Variants in TLL1 observed in about 807,000 individuals in gnomAD.
TLL1 encodes tolloid like 1.
A neutral mutation model predicts 128.2 loss-of-function variants in TLL1; 49 were observed. The observed-to-expected ratio is 0.38, with a 90% CI of 0.30 to 0.48. The LOEUF (loss-of-function observed/expected upper bound fraction) is 0.48. TLL1 is among the 20% of genes least tolerant of loss of function. The pLI, the probability that TLL1 is intolerant of heterozygous loss-of-function variation, is 0.96. For synonymous variants in TLL1, 454 were observed against 418.8 expected (o/e 1.08, Z -1.03); for missense variants, 1,123 against 1,242.0 (o/e 0.90, Z 1.44).
intron 16 of TLL1, among the ~76,000 whole-genome samples, chr4:166,066,469 T>A (rs536501203): frequency 3.4e-4 from 52 of 151,950 alleles, no homozygotes; most frequent in African/African-American, 1.3e-3. Flanking sequence ...CTCAGAATCA[T>A]GCTTTATAAA....
At chr4:166,095,920 G>T (rs1741995992) in intron 19 of TLL1, among the ~76,000 whole-genome samples, 1 of 152,052 alleles carries the variant, frequency 6.6e-6, no homozygotes, top group Admixed American at 6.6e-5. Context: ...TAGATTTGAT[G>T]AAATCTGTGA....
intron 9 of TLL1, among the ~76,000 whole-genome samples, chr4:166,031,772 T>A (rs1738781489): frequency 1.3e-5 from 2 of 152,154 alleles, no homozygotes; most frequent in Non-Finnish European, 2.9e-5. Flanking sequence ...TCTCAAAATT[T>A]CCACAAATAC....
At chr4:166,081,627 A>G (rs1041282763) in intron 18 of TLL1, among the ~76,000 whole-genome samples, 13 of 152,010 alleles carry the variant, frequency 8.6e-5, no homozygotes, top group African/African-American at 3.1e-4. Flanking sequence ...TGATACCAAC[A>G]TCTCTTCCTC....
intron 1 of TLL1, among the ~76,000 whole-genome samples, chr4:165,987,256 A>G (rs988076456): frequency 6.6e-6 from 1 of 152,142 alleles, no homozygotes; most frequent in Non-Finnish European, 1.5e-5. Flanking sequence ...GAAGTTTCAT[A>G]TAACTAGTCA....
rs181110323 is a variant in TLL1, at chr4:165,933,746, C to T, written c.170-55635C>T. The stretch of plus-strand genomic sequence containing the variant: ...GGACCACACCACCTCAGAGCAGGTC[C>T]GCTCCACAGACACTTCCCTCCCAGA... On this transcript the variant is annotated intron_variant, in intron 1 of 20. Transcript: ENST00000061240. Among the ~76,000 whole-genome samples the T allele has an allele frequency of 1.8e-4, 27 of 152,160 alleles. No homozygotes were observed. In the East Asian group the frequency reaches 3.7e-3, roughly 21 times the overall value.
Position 165,982,508 on chromosome 4 carries a change from G to A in TLL1, c.170-6873G>A, listed in dbSNP as rs578254270. ...TTCGCTGAGGCCATGTTGTTTTATG[G>A]CTGTGCAGTGTGAGGTATTAACCAA... On this transcript the variant is annotated intron_variant, in intron 1 of 20. Transcript: ENST00000061240. Among the ~76,000 whole-genome samples the A allele has an allele frequency of 2.6e-5, 4 of 151,884 alleles. No homozygotes were observed. The South Asian group carries it at 8.3e-4, about 32-fold the overall frequency.
chr4:165,966,972 C>T lies in TLL1; in HGVS notation c.170-22409C>T, dbSNP rs138713695. On this transcript the variant is annotated intron_variant, in intron 1 of 20. Coordinates refer to ENST00000061240, the MANE Select transcript of TLL1 (RefSeq NM_012464.5). The stretch of plus-strand genomic sequence containing the variant: ...TTCCTAGTCCTAACAGGCCTGGGGG[C>T]GCTACAGAAGACCAGGGCTTATTTC... 2.7e-3 allele frequency among the ~76,000 whole-genome samples: 410 copies of T among 152,220 alleles called. 6 individuals are homozygous for T. The highest frequency in any genetic ancestry group is 9.1e-3 in the African/African-American group (380 of 41,534).
At chr4:165,918,402 G>C (rs1287725744) in intron 1 of TLL1, among the ~76,000 whole-genome samples, 2 of 152,022 alleles carry the variant, frequency 1.3e-5, no homozygotes, top group African/African-American at 4.8e-5. Context: ...AACACTTGCT[G>C]CACGTTAAAA....
In TLL1 at chr4:165,910,964, AG is replaced by A. The variant is rs199844674; in HGVS notation, c.169+36892del. ...ACATGTGATATTTTGTTACATGAAT[AG>A]AATGTGTAATGATCAAGTTGGGGCA... On this transcript the variant is annotated intron_variant, in intron 1 of 20. Transcript: ENST00000061240. 1.6e-4 allele frequency among the ~76,000 whole-genome samples: 24 copies of A among 152,314 alleles called. No individual in the cohort carries two copies. In the East Asian group the frequency reaches 4.4e-3, roughly 28 times the overall value.
chr4:166,042,711 A>G (rs1391527099), intron 11 of TLL1, among the ~76,000 whole-genome samples: 1 of 152,216 alleles, frequency 6.6e-6, no homozygotes, highest in East Asian at 1.9e-4. Context: ...ACTTCCTAGT[A>G]CAGCAGTTTA....
At chr4:165,956,300 G>A (rs1302023143) in intron 1 of TLL1, among the ~76,000 whole-genome samples, 3 of 152,052 alleles carry the variant, frequency 2.0e-5, no homozygotes, top group Admixed American at 2.0e-4. Flanking sequence ...TTACCAGGGT[G>A]GAGTTTTTCC....
chr4:165,994,322 G>A, intron 3 of TLL1, 59 bp from the exon 4 acceptor site: 1 of 1,605,932 alleles, frequency 6.2e-7, no homozygotes, highest in African/African-American at 1.3e-5. Flanking sequence ...CCTTTAAGAG[G>A]TAAATGATTC....
chr4:165,962,762 A>G lies in TLL1; in HGVS notation c.170-26619A>G, dbSNP rs867501886. On this transcript the variant is annotated intron_variant, in intron 1 of 20. Transcript: ENST00000061240. ...GAAAGAAATCATGTTCTTTGCAGCA[A>G]CATGGATGCAGCTGGAGGCAATTAT... Among the ~76,000 whole-genome samples, 114 of 152,176 alleles carry G rather than the reference A, an allele frequency of 7.5e-4. 1 individual carries two copies. Among genetic ancestry groups the G allele is most frequent in the Middle Eastern group, 6.8e-3 (2 of 294 alleles).
At chr4:166,060,270 ATGTAGT>A in intron 15 of TLL1, 82 bp downstream of exon 15, 11 of 1,274,276 alleles carry the variant, frequency 8.6e-6, no homozygotes, top group Non-Finnish European at 1.2e-5. Flanking sequence ...AAAAAAAAAG[ATGTAGT>A]AAAATAGTAT....
chr4:165,919,793 A>G (rs1166220329), intron 1 of TLL1: 2 of 455,952 alleles, frequency 4.4e-6, no homozygotes, highest in East Asian at 1.4e-4. Flanking sequence ...CCTTGTTTAA[A>G]ACACTCACTC....
intron 18 of TLL1, among the ~76,000 whole-genome samples, chr4:166,080,267 C>T (rs1196735780): frequency 6.6e-6 from 1 of 152,014 alleles, no homozygotes; most frequent in Non-Finnish European, 1.5e-5. Flanking sequence ...TATAAGAATA[C>T]CAGCCCTATA....
intron 12 of TLL1, chr4:166,044,340 C>T: frequency 6.5e-7 from 1 of 1,534,966 alleles, no homozygotes; most frequent in Admixed American, 2.0e-5. Flanking sequence ...TGACCGTGGT[C>T]ATGGTTGTGT....
chr4:166,007,988 C>T lies in TLL1; in HGVS notation c.857C>T (p.Ser286Leu), dbSNP rs754418211. 1.9e-6 allele frequency: 3 copies of T among 1,609,786 alleles called. No individual in the cohort carries two copies. Among genetic ancestry groups the T allele is most frequent in the Admixed American group, 1.7e-5 (1 of 59,754 alleles). Residue 286 changes from serine (S) to leucine (L), a missense_variant, in exon 7 of 21, where the codon TCA becomes TTA. Physicochemically the swap from Ser to Leu is moderately radical, Grantham distance 145 (BLOSUM62 -2). Transcript: ENST00000061240. The stretch of plus-strand genomic sequence containing the variant: ...AAGATGGAGCCTGGAGAAGTAAACT[C>T]ACTTGGAGAAAGATATGATTTCGAC... ...FLKMEPGEVN[S>L]LGERYDFDSI...
intron 9 of TLL1, among the ~76,000 whole-genome samples, chr4:166,038,757 C>T (rs1264210995): frequency 6.6e-6 from 1 of 152,106 alleles, no homozygotes; most frequent in Non-Finnish European, 1.5e-5. Context: ...ATCTTTGGAT[C>T]TAGAGAAACA....
Sources: gnomAD v4.1 joint callset for allele counts (sites outside exome capture counted in the v4.1 genomes callset) on GRCh38, gnomAD v4.1.1 for gene constraint, MANE v1.5 for transcripts, NCBI Gene and HGNC (gene_info 2026-07-23, HGNC 2026-07-21) for gene names.